SYTL5: variants seen among roughly 807,000 people sequenced by gnomAD.
SYTL5 encodes the protein synaptotagmin like 5.
A neutral mutation model predicts 55.9 loss-of-function variants in SYTL5; 34 were observed. The ratio of observed to expected loss-of-function variants is 0.61; its 90% CI spans 0.46 to 0.81. The LOEUF (loss-of-function observed/expected upper bound fraction) is 0.81. Ranked by LOEUF, SYTL5 falls within the 30% of genes least tolerant of loss-of-function variation. The pLI, the probability that SYTL5 is intolerant of heterozygous loss-of-function variation, is 0.00. For synonymous variants in SYTL5, 221 were observed against 188.7 expected, an observed-to-expected ratio of 1.17 and a Z score of -1.40; for missense variants, 637 against 546.7, an observed-to-expected ratio of 1.17 and a Z score of -1.65.
the SYTL5 span, among the ~76,000 whole-genome samples, chrX:37,929,897 A>G: frequency 3.6e-4 from 40 of 112,295 alleles, no homozygotes; most frequent in African/African-American, 1.2e-3. Context: ...TTCAGAATTC[A>G]GTCAGGCTGC....
At chrX:38,019,559 A>C (rs1306570890) in intron 1 of SYTL5, among the ~76,000 whole-genome samples, 1 of 112,128 alleles carries the variant, frequency 8.9e-6, no homozygotes. Context: ...AAGCCCCTTG[A>C]AAACAGAACC....
the SYTL5 span, among the ~76,000 whole-genome samples, chrX:37,905,744 G>T: frequency 1.8e-5 from 2 of 111,952 alleles, no homozygotes; most frequent in Admixed American, 9.3e-5. Flanking sequence ...GTCAGCCCGG[G>T]GTCATGGGGT....
chrX:37,926,318 C>T, the SYTL5 span, among the ~76,000 whole-genome samples: 2 of 110,499 alleles, frequency 1.8e-5, no homozygotes, highest in African/African-American at 3.3e-5. Context: ...TTTTACAATA[C>T]GATTGTTTTT....
At chrX:37,907,617 G>C in the SYTL5 span, among the ~76,000 whole-genome samples, 71 of 111,845 alleles carry the variant, frequency 6.3e-4, no homozygotes, top group African/African-American at 2.0e-3. Context: ...TGGAAGCAAG[G>C]GTAATGCCTT....
chrX:38,023,167 G>A (rs1934618300), intron 1 of SYTL5, among the ~76,000 whole-genome samples: 1 of 112,052 alleles, frequency 8.9e-6, no homozygotes, highest in Non-Finnish European at 1.9e-5. Flanking sequence ...CCACGGTGGT[G>A]TCACCTAATT....
intron 9 of SYTL5, among the ~76,000 whole-genome samples, chrX:38,100,194 C>T (rs73467481): frequency 3.6e-5 from 4 of 111,072 alleles, no homozygotes; most frequent in South Asian, 3.8e-4. Context: ...ATGAAGCCAG[C>T]ACTTTCTTAC....
chrX:38,019,813 A>G (rs933551639), intron 1 of SYTL5, among the ~76,000 whole-genome samples: 9 of 110,156 alleles, frequency 8.2e-5, no homozygotes, highest in African/African-American at 6.6e-5. Flanking sequence ...CTTTTTATTT[A>G]TAGCAGAGAT....
At chrX:38,112,837 C>A (rs777262607) in intron 13 of SYTL5, among the ~76,000 whole-genome samples, 1 of 112,072 alleles carries the variant, frequency 8.9e-6, no homozygotes, top group East Asian at 2.8e-4. Flanking sequence ...CCAGCAGCTG[C>A]AGATGTAGTA....
intron 13 of SYTL5, among the ~76,000 whole-genome samples, chrX:38,115,036 G>T (rs1226762776): frequency 8.9e-6 from 1 of 112,128 alleles, no homozygotes; most frequent in Non-Finnish European, 1.9e-5. Flanking sequence ...CAAATGACAA[G>T]ATTTTATTTT....
intron 3 of SYTL5, among the ~76,000 whole-genome samples, chrX:38,065,069 T>A (rs1358604985): frequency 8.9e-6 from 1 of 111,772 alleles, no homozygotes; most frequent in African/African-American, 3.2e-5. Flanking sequence ...TTTTTTCATT[T>A]TCAGTGGTTA....
intron 10 of SYTL5, 44 bp from the exon 11 acceptor site, chrX:38,106,549 A>G: frequency 9.2e-7 from 1 of 1,084,579 alleles, no homozygotes; most frequent in Non-Finnish European, 1.2e-6. Context: ...TGAAGAGATC[A>G]TTAGAATGAC....
chrX:38,106,126 G>A (rs1011238401), intron 10 of SYTL5, among the ~76,000 whole-genome samples: 5 of 111,729 alleles, frequency 4.5e-5, no homozygotes, highest in African/African-American at 1.6e-4. Flanking sequence ...CCATGTAGGT[G>A]TCAAAGAAAG....
intron 2 of SYTL5, among the ~76,000 whole-genome samples, chrX:38,043,773 T>C (rs1426297076): frequency 9.6e-6 from 1 of 103,944 alleles, no homozygotes; most frequent in Non-Finnish European, 2.0e-5. Flanking sequence ...TTTTATTCTT[T>C]ATTTTTGCTT....
the SYTL5 span, chrX:37,994,588 AC>A: frequency 8.7e-6 from 1 of 115,164 alleles, no homozygotes; most frequent in Non-Finnish European, 1.8e-5. Flanking sequence ...ACCCCAGAAC[AC>A]GTGAAGAGGG....
chrX:37,941,829 T>G, the SYTL5 span, among the ~76,000 whole-genome samples: 1 of 112,264 alleles, frequency 8.9e-6, no homozygotes, highest in Non-Finnish European at 1.9e-5. Flanking sequence ...GTTCTTTTCA[T>G]AGAATAATTT....
At chrX:38,018,410 T>C (rs1934430944) in intron 1 of SYTL5, among the ~76,000 whole-genome samples, 1 of 111,913 alleles carries the variant, frequency 8.9e-6, no homozygotes, top group South Asian at 3.8e-4. Flanking sequence ...ATACCTCTAG[T>C]ATAGACATCT....
chrX:37,913,820 T>C, the SYTL5 span, among the ~76,000 whole-genome samples: 2 of 112,141 alleles, frequency 1.8e-5, no homozygotes, highest in Admixed American at 1.9e-4. Context: ...AACTCAAAAA[T>C]ACACTCCCGT....
At chrX:37,931,306 T>C in the SYTL5 span, among the ~76,000 whole-genome samples, 1 of 111,768 alleles carries the variant, frequency 8.9e-6, no homozygotes, top group African/African-American at 3.2e-5. Flanking sequence ...TTTTGAATGA[T>C]ATTTGGAAAG....
chrX:37,967,483 GCTCT>G, the SYTL5 span, among the ~76,000 whole-genome samples: 1 of 111,699 alleles, frequency 9.0e-6, no homozygotes, highest in African/African-American at 3.3e-5. Context: ...CTTTCAAAAT[GCTCT>G]CTTTGACTTT....
Sources: allele counts gnomAD v4.1 joint callset (sites outside exome capture counted in the v4.1 genomes callset), GRCh38; gene constraint gnomAD v4.1.1; transcripts MANE v1.5; gene names NCBI Gene and HGNC (gene_info 2026-07-23, HGNC 2026-07-21).